Variants in COL14A1 observed in about 807,000 individuals in gnomAD.
COL14A1 encodes the protein collagen alpha-1(XIV) chain.
COL14A1 carries 136 observed loss-of-function variants against 230.3 expected under a neutral mutation model. The observed-to-expected ratio is 0.59, with a 90% CI of 0.51 to 0.68. The LOEUF (loss-of-function observed/expected upper bound fraction) is 0.68, where lower values mean the gene tolerates loss of function less well. Ranked by LOEUF, COL14A1 falls within the 30% of genes least tolerant of loss-of-function variation. The pLI is 0.00. For missense variants in COL14A1, 1,976 were observed against 2,215.8 expected (o/e 0.89, Z 2.17); for synonymous variants, 792 against 784.1 (o/e 1.01, Z -0.17).
At chr8:120,250,543 T>A in intron 21 of COL14A1, 74 bp from the exon 22 acceptor site, 1 of 1,509,736 alleles carries the variant, frequency 6.6e-7, no homozygotes. Context: ...GTCAAGTGAA[T>A]ACAATTTGAT....
chr8:120,301,454 A>G (rs933423651), intron 36 of COL14A1, among the ~76,000 whole-genome samples: 4 of 151,870 alleles, frequency 2.6e-5, no homozygotes, highest in South Asian at 2.1e-4. Context: ...ATCATGTGGT[A>G]TTTGGTTTTC....
chr8:120,166,817 G>A (rs1815891337), intron 4 of COL14A1, among the ~76,000 whole-genome samples: 1 of 151,290 alleles, frequency 6.6e-6, no homozygotes, highest in Non-Finnish European at 1.5e-5. Context: ...AAACGGAGTG[G>A]TCAAAAGGAG....
At chr8:120,368,851 T>C (rs1823494193) in intron 46 of COL14A1, among the ~76,000 whole-genome samples, 1 of 152,136 alleles carries the variant, frequency 6.6e-6, no homozygotes, top group Admixed American at 6.5e-5. Context: ...TTCTAACTGT[T>C]GATGAGGTTG....
chr8:120,268,043 T>C (rs1230423279), intron 25 of COL14A1, among the ~76,000 whole-genome samples: 1 of 151,690 alleles, frequency 6.6e-6, no homozygotes, highest in Non-Finnish European at 1.5e-5. Flanking sequence ...CTGCAGAGAG[T>C]AGAAGACACA....
At chr8:120,249,397 C>T (rs1303700987) in intron 21 of COL14A1, among the ~76,000 whole-genome samples, 1 of 152,150 alleles carries the variant, frequency 6.6e-6, no homozygotes, top group East Asian at 1.9e-4. Context: ...AAGACTAGAA[C>T]ATGGGTGCAC....
Position 120,285,907 on chromosome 8 carries a change from T to C in COL14A1, c.4014T>C (p.Asp1338=). 6.2e-7 allele frequency: 1 copy of C among 1,611,982 alleles called. No individual in the cohort carries two copies. The highest frequency in any genetic ancestry group is 8.5e-7 in the Non-Finnish European group (1 of 1,178,342). The change falls in exon 33 of 48, where the codon GAT becomes GAC. Residue 1338 remains aspartate (D), a synonymous_variant. Coordinates refer to ENST00000297848, the MANE Select transcript of COL14A1 (RefSeq NM_021110.4). ...ATTTCAACTATGACCAGAGTGGGGA[T>C]TTTCAAACTGTTACTTTCGAAGGAC... ...LTYFNYDQSG[D]FQTVTFEGPE... is the part of the protein sequence containing the mutation.
intron 8 of COL14A1, 108 bp from the exon 9 acceptor site, chr8:120,203,601 C>T: frequency 1.2e-6 from 1 of 832,720 alleles, no homozygotes; most frequent in East Asian, 2.6e-5. Context: ...GCAGATGATG[C>T]TTTGACTGCA....
At chr8:120,197,003 G>A in intron 6 of COL14A1, 57 bp downstream of exon 6, 2 of 1,543,062 alleles carry the variant, frequency 1.3e-6, no homozygotes, top group Non-Finnish European at 1.8e-6. Context: ...CTGCTGGGAA[G>A]TATTTTAAGA....
At chr8:120,165,658 A>T (rs183454506) in intron 4 of COL14A1, among the ~76,000 whole-genome samples, 1 of 150,470 alleles carries the variant, frequency 6.6e-6, no homozygotes, top group Admixed American at 6.5e-5. Flanking sequence ...GACATAGTGG[A>T]TCAGCTTCCA....
intron 1 of COL14A1, among the ~76,000 whole-genome samples, chr8:120,132,619 A>C (rs1261379148): frequency 6.6e-6 from 1 of 151,442 alleles, no homozygotes; most frequent in Non-Finnish European, 1.5e-5. Flanking sequence ...TAGCAATAAC[A>C]TTGAACCTGG....
chr8:120,268,228 G>A (rs1170801618), intron 25 of COL14A1, among the ~76,000 whole-genome samples: 1 of 151,716 alleles, frequency 6.6e-6, no homozygotes. Context: ...ATCTTTGAAA[G>A]CTATTCACTC....
chr8:120,186,669 T>A (rs1816662381), intron 5 of COL14A1, among the ~76,000 whole-genome samples: 1 of 152,134 alleles, frequency 6.6e-6, no homozygotes, highest in South Asian at 2.1e-4. Context: ...CCCAGTGCGG[T>A]AGTGTGGCAG....
At chr8:120,247,568 G>A (rs1818803146) in intron 20 of COL14A1, 45 bp from the exon 21 acceptor site, 1 of 1,583,566 alleles carries the variant, frequency 6.3e-7, no homozygotes, top group Admixed American at 1.8e-5. Context: ...ACATAAAGAA[G>A]GAAATTACAC....
rs1308548308 is a variant in COL14A1, at chr8:120,332,185, A to G, written c.4704A>G (p.Pro1568=). 1.8e-5 allele frequency: 29 copies of G among 1,614,030 alleles called. No individual in the cohort carries two copies. Among genetic ancestry groups the G allele is most frequent in the Non-Finnish European group, 2.3e-5 (27 of 1,179,898 alleles). Residue 1568 remains proline (P), a synonymous_variant, in exon 41 of 48, where the codon CCA becomes CCG. Coordinates refer to ENST00000297848, the MANE Select transcript of COL14A1 (RefSeq NM_021110.4). ...GATCCTCGGGACCTCCAGGACCACC[A>G]GGGCCAATAGTAAGCCTTTCCAGAA... is the stretch of plus-strand genomic sequence containing the variant. The part of the protein sequence containing the change: ...KDGSSGPPGP[P]GPIGIPGTPG...
chr8:120,359,281 G>A (rs2130358626), intron 45 of COL14A1, among the ~76,000 whole-genome samples: 1 of 149,050 alleles, frequency 6.7e-6, no homozygotes, highest in South Asian at 2.1e-4. Context: ...GTGTTTCCAT[G>A]TGTTCTCATT....
chr8:120,173,345 T>C (rs1816155746), intron 5 of COL14A1, among the ~76,000 whole-genome samples: 1 of 152,204 alleles, frequency 6.6e-6, no homozygotes, highest in Non-Finnish European at 1.5e-5. Flanking sequence ...AGTTATTTCT[T>C]ACTTTCTGGC....
intron 40 of COL14A1, among the ~76,000 whole-genome samples, chr8:120,325,124 G>C (rs184840562): frequency 6.6e-6 from 1 of 152,296 alleles, no homozygotes; most frequent in Admixed American, 6.5e-5. Context: ...GATTTTGAAA[G>C]CAAATTGTGG....
At chr8:120,164,451 G>A (rs1387383741) in intron 4 of COL14A1, among the ~76,000 whole-genome samples, 1 of 151,986 alleles carries the variant, frequency 6.6e-6, no homozygotes, top group African/African-American at 2.4e-5. Flanking sequence ...AATATTTTGT[G>A]AGACTTATAG....
intron 42 of COL14A1, among the ~76,000 whole-genome samples, chr8:120,340,152 A>C (rs1043784970): frequency 6.6e-6 from 1 of 150,432 alleles, no homozygotes; most frequent in Non-Finnish European, 1.5e-5. Flanking sequence ...TAGACATAGC[A>C]GGGCAAGGGA....
Sources: gnomAD v4.1 joint callset for allele counts (sites outside exome capture counted in the v4.1 genomes callset) on GRCh38, gnomAD v4.1.1 for gene constraint, MANE v1.5 for transcripts, NCBI Gene and HGNC (gene_info 2026-07-23, HGNC 2026-07-21) for gene names.